The following KCNU1 variants were observed in gnomAD, a reference collection of about 807,000 sequenced individuals.
KCNU1 encodes potassium channel subfamily U member 1.
A neutral mutation model predicts 126.8 loss-of-function variants in KCNU1; 93 were observed. The ratio of observed to expected loss-of-function variants is 0.73; its 90% CI spans 0.62 to 0.87. KCNU1 has a LOEUF of 0.87. Among genes scored for constraint, KCNU1 ranks in the 40% least tolerant of loss-of-function variants. The probability of loss-of-function intolerance (pLI) is 0.00; values close to 1 mark genes in which losing one functional copy is unlikely to be tolerated. For missense variants in KCNU1, 1,330 were observed against 1,367.1 expected (o/e 0.97, Z 0.43); for synonymous variants, 523 against 494.2 (o/e 1.06, Z -0.77).
At chr8:36,845,019 TAAC>T (rs752447072) in intron 16 of KCNU1, among the ~76,000 whole-genome samples, 65 of 152,162 alleles carry the variant, frequency 4.3e-4, no homozygotes, top group Non-Finnish European at 4.0e-4. Context: ...TCAAGTAAGA[TAAC>T]AATAGAAATA....
At chr8:36,802,613 A>G (rs1309726204) in intron 2 of KCNU1, among the ~76,000 whole-genome samples, 1 of 152,192 alleles carries the variant, frequency 6.6e-6, no homozygotes, top group East Asian at 1.9e-4. Context: ...GAGGGTGAGA[A>G]GTAGTGAGAG....
At chr8:36,894,761 C>T (rs555961210) in intron 19 of KCNU1, among the ~76,000 whole-genome samples, 5 of 152,152 alleles carry the variant, frequency 3.3e-5, no homozygotes, top group African/African-American at 7.2e-5. Flanking sequence ...TAATCTGAAG[C>T]GGAATCTGCT....
chr8:36,830,619 T>A (rs1429578380), intron 10 of KCNU1, among the ~76,000 whole-genome samples: 1 of 152,092 alleles, frequency 6.6e-6, no homozygotes, highest in Non-Finnish European at 1.5e-5. Flanking sequence ...TAAAGTATGG[T>A]AGAAGTTAAA....
At chr8:36,878,801 C>A (rs947154802) in intron 19 of KCNU1, among the ~76,000 whole-genome samples, 1 of 147,804 alleles carries the variant, frequency 6.8e-6, no homozygotes, top group Non-Finnish European at 1.5e-5. Context: ...ACATATATAT[C>A]TGCCCTAATT....
intron 12 of KCNU1, 119 bp from the exon 13 acceptor site, chr8:36,836,177 T>A (rs1804739892): frequency 1.6e-6 from 1 of 636,510 alleles, no homozygotes. Flanking sequence ...CAATAAACTT[T>A]ATTATATGCC....
At chr8:36,790,284 C>T (rs1802857466) in intron 2 of KCNU1, among the ~76,000 whole-genome samples, 1 of 151,772 alleles carries the variant, frequency 6.6e-6, no homozygotes, top group African/African-American at 2.4e-5. Flanking sequence ...ATATGTAAAA[C>T]ATTAAAAAGT....
intron 18 of KCNU1, among the ~76,000 whole-genome samples, chr8:36,847,173 C>T (rs1805181048): frequency 6.6e-6 from 1 of 152,166 alleles, no homozygotes; most frequent in Non-Finnish European, 1.5e-5. Flanking sequence ...GTCTGCAAAA[C>T]TCTTTTCAGT....
chr8:36,807,578 C>T, intron 6 of KCNU1, 128 bp downstream of exon 6: 1 of 707,744 alleles, frequency 1.4e-6, no homozygotes, highest in Non-Finnish European at 2.5e-6. Flanking sequence ...AATCTCTCAG[C>T]TGCCAAAATA....
chr8:36,822,456 G>A (rs1202683017), intron 10 of KCNU1, among the ~76,000 whole-genome samples: 2 of 152,106 alleles, frequency 1.3e-5, no homozygotes, highest in Non-Finnish European at 2.9e-5. Context: ...GCTGAGCCCA[G>A]TCAAAACAAG....
chr8:36,914,813 T>A (rs549053675), intron 22 of KCNU1, among the ~76,000 whole-genome samples: 75 of 152,350 alleles, frequency 4.9e-4, no homozygotes, highest in Middle Eastern at 3.4e-3. Context: ...CCTGACAACT[T>A]AATATGCTAC....
intron 19 of KCNU1, among the ~76,000 whole-genome samples, chr8:36,875,476 T>C (rs1423734267): frequency 6.6e-6 from 1 of 150,390 alleles, no homozygotes; most frequent in Non-Finnish European, 1.5e-5. Context: ...ATTACAGATA[T>C]ATTATATATA....
At chr8:36,829,986 G>T (rs1585426224) in intron 10 of KCNU1, among the ~76,000 whole-genome samples, 2 of 149,628 alleles carry the variant, frequency 1.3e-5, no homozygotes, top group African/African-American at 4.9e-5. Flanking sequence ...ATTTTTTTCT[G>T]TAGTAATATT....
chr8:36,932,846 G>T lies in KCNU1; in HGVS notation c.2932-74G>T. On this transcript the variant is annotated intron_variant, in intron 25 of 26. Coordinates refer to ENST00000399881, the MANE Select transcript of KCNU1 (RefSeq NM_001031836.3). ...GCTTCTACTACCAGATAAAGCAAAC[G>T]ACACTCCAGTGAGTGCTTATAATTG... The T allele has an allele frequency of 4.8e-6, 4 of 836,440 alleles. No homozygotes were observed. The South Asian group carries it at 6.0e-5, about 12-fold the overall frequency. The allele number at this position is 836,440 out of a possible 1,614,324, so 51.8% of individuals were successfully genotyped here.
chr8:36,836,708 TAA>T, intron 13 of KCNU1, 83 bp from the exon 14 acceptor site: 1 of 1,192,858 alleles, frequency 8.4e-7, no homozygotes, highest in Non-Finnish European at 1.2e-6. Flanking sequence ...CAAGTAAATT[TAA>T]AAAAAGAAAG....
intron 7 of KCNU1, among the ~76,000 whole-genome samples, chr8:36,810,694 A>G (rs1289539964): frequency 6.6e-6 from 1 of 152,212 alleles, no homozygotes; most frequent in Admixed American, 6.5e-5. Flanking sequence ...TATTAACTAG[A>G]AAGGAATCAA....
chr8:36,879,017 C>T (rs1243743158), intron 19 of KCNU1, among the ~76,000 whole-genome samples: 15 of 147,672 alleles, frequency 1.0e-4, no homozygotes, highest in Admixed American at 6.1e-4. Context: ...AGCAAATCAT[C>T]GGGACTTTGC....
chr8:36,910,301 C>T (rs190142088), intron 21 of KCNU1, among the ~76,000 whole-genome samples: 1 of 152,256 alleles, frequency 6.6e-6, no homozygotes, highest in African/African-American at 2.4e-5. Context: ...AAGCAAATTG[C>T]ATTTGCTTTT....
chr8:36,919,140 G>A (rs1808240577), intron 23 of KCNU1, among the ~76,000 whole-genome samples: 1 of 152,094 alleles, frequency 6.6e-6, no homozygotes, highest in Admixed American at 6.5e-5. Flanking sequence ...AGCAGAGGGA[G>A]GGGGACCAGC....
At chr8:36,932,890 C>A in intron 25 of KCNU1, 30 bp from the exon 26 acceptor site, 1 of 1,259,440 alleles carries the variant, frequency 7.9e-7, no homozygotes, top group Non-Finnish European at 1.1e-6. Flanking sequence ...AAGTGCCCAG[C>A]AGACATATTT....
Sources: gnomAD v4.1 joint callset for allele counts (sites outside exome capture counted in the v4.1 genomes callset) on GRCh38, gnomAD v4.1.1 for gene constraint, MANE v1.5 for transcripts, NCBI Gene and HGNC (gene_info 2026-07-23, HGNC 2026-07-21) for gene names.